Variants in HSPG2 observed in about 807,000 individuals in gnomAD.
HSPG2 encodes the protein basement membrane-specific heparan sulfate proteoglycan core protein.
Under a neutral mutation model 526.6 loss-of-function variants are expected in HSPG2, and 278 were observed. That is an observed-to-expected ratio of 0.53 (90% confidence interval 0.48 to 0.58). The LOEUF (loss-of-function observed/expected upper bound fraction) is 0.58, where lower values mean the gene tolerates loss of function less well. HSPG2 is among the 20% of genes least tolerant of loss of function. The pLI, the probability that HSPG2 is intolerant of heterozygous loss-of-function variation, is 0.00. For synonymous variants in HSPG2, 2,465 were observed against 2,555.4 expected, an observed-to-expected ratio of 0.96 and a Z score of 1.07; for missense variants, 5,354 against 6,099.5, an observed-to-expected ratio of 0.88 and a Z score of 4.07.
Position 21,876,060 on chromosome 1 carries a change from C to T in HSPG2, c.3004-18G>A, listed in dbSNP as rs892820543. 3.7e-6 allele frequency: 6 copies of T among 1,613,516 alleles called. No homozygotes were observed. The East Asian group carries it at 1.3e-4, about 36-fold the overall frequency. On this transcript the variant is annotated intron_variant, in intron 23 of 96. Coordinates refer to ENST00000374695, the MANE Select transcript of HSPG2 (RefSeq NM_005529.7). ...GAGGTCACCTGGGACCAGGGTTAGA[C>T]AGGAGCTTGCGGAGGCCTGAATTCG... is the stretch of plus-strand genomic sequence containing the variant.
In HSPG2 at chr1:21,904,141, C is replaced by A. The variant is rs1643246129; in HGVS notation, c.64-7831G>T. Among the ~76,000 whole-genome samples, 1 of 152,178 alleles carries A rather than the reference C, an allele frequency of 6.6e-6. No homozygotes were observed. Among genetic ancestry groups the A allele is most frequent in the South Asian group, 2.1e-4 (1 of 4,832 alleles). On this transcript the variant is annotated intron_variant, in intron 1 of 96. Transcript: ENST00000374695. This position sits in a 1 kb window ranked among gnomAD's most constrained non-coding sequence, Gnocchi z 4.4. ...AGGCCACGGAACCACGTGCTGGCAACACCGTGCGAAGAGAGTGCTGAAGGG... is the reference window on the plus strand; with the variant it reads ...AGGCCACGGAACCACGTGCTGGCAAAACCGTGCGAAGAGAGTGCTGAAGGG...
In HSPG2 at chr1:21,903,237, G is replaced by A. The variant is rs116386335; in HGVS notation, c.64-6927C>T. Among the ~76,000 whole-genome samples, 591 of 152,318 alleles carry A rather than the reference G, an allele frequency of 3.9e-3. 1 individual carries two copies. Among genetic ancestry groups the A allele is most frequent in the Middle Eastern group, 6.8e-3 (2 of 294 alleles). On this transcript the variant is annotated intron_variant, in intron 1 of 96. Coordinates refer to ENST00000374695, the MANE Select transcript of HSPG2 (RefSeq NM_005529.7). ...GAGGGGACTAGGTCACACGGGCCCT[G>A]AAATCCGTTCCAAGACACCCCTGTC...
intron 90 of HSPG2, 47 bp from the exon 91 acceptor site, chr1:21,827,966 G>A (rs754935588): frequency 6.2e-7 from 1 of 1,610,554 alleles, no homozygotes; most frequent in Non-Finnish European, 8.5e-7. Context: ...ACACCCGTGG[G>A]TACTATGTCG....
In HSPG2 at chr1:21,851,672, G is replaced by C. The variant is rs1326264468; in HGVS notation, c.7032C>G (p.Arg2344=). ...AYPAGSTQPI[R]IEPSSSQVAE... is the part of the protein sequence containing the mutation. ...CCACTTGCGAGGAGGAGGGCTCGAT[G>C]CGGATGGGCTGGGTGCTGCCGGCAG... The change falls in exon 55 of 97, where the codon CGC becomes CGG. Residue 2344 remains arginine, a synonymous_variant. Transcript: ENST00000374695. The C allele has an allele frequency of 1.9e-6, 3 of 1,613,992 alleles. No homozygotes were observed. Among genetic ancestry groups the C allele is most frequent in the Non-Finnish European group, 2.5e-6 (3 of 1,180,022 alleles).
At position 21,858,437 on chromosome 1, in the gene HSPG2, GGT is replaced by G. The variant is rs1639514037; in HGVS notation, c.5294-1054_5294-1053del. ...CTGTCCTCGGGCCACACTCTCCCTAGGTGACTTCATCCTGTCCCATAGCTTTG... is the reference window on the plus strand; with the variant it reads ...CTGTCCTCGGGCCACACTCTCCCTAGGACTTCATCCTGTCCCATAGCTTTG... On this transcript the variant is annotated intron_variant, in intron 42 of 96. Coordinates refer to ENST00000374695, the MANE Select transcript of HSPG2 (RefSeq NM_005529.7). This position sits in a 1 kb window ranked among gnomAD's most constrained non-coding sequence, Gnocchi z 4.2. Among the ~76,000 whole-genome samples, 1 of 152,146 alleles carries G rather than the reference GGT, an allele frequency of 6.6e-6. No homozygotes were observed. The highest frequency in any genetic ancestry group is 1.5e-5 in the Non-Finnish European group (1 of 68,020).
chr1:21,932,092 C>G (rs1644364219), intron 1 of HSPG2, among the ~76,000 whole-genome samples: 1 of 152,132 alleles, frequency 6.6e-6, no homozygotes, highest in South Asian at 2.1e-4. Flanking sequence ...CCCCTCCAGG[C>G]ACAGGCGTCC....
Position 21,927,780 on chromosome 1 carries a change from C to T in HSPG2, c.63+9375G>A, listed in dbSNP as rs989243628. On this transcript the variant is annotated intron_variant, in intron 1 of 96. Transcript: ENST00000374695. ...GTCCTACAGCTGCGGCCTCGGTAGG[C>T]GAAGGAGGGGCAGTGACAGATCAGA... Among the ~76,000 whole-genome samples the T allele has an allele frequency of 4.6e-5, 7 of 152,240 alleles. No homozygotes were observed. In the South Asian group the frequency reaches 1.2e-3, roughly 27 times the overall value.
chr1:21,894,429 T>C (rs1642600218), intron 3 of HSPG2, among the ~76,000 whole-genome samples: 2 of 152,020 alleles, frequency 1.3e-5, no homozygotes, highest in African/African-American at 2.4e-5. Context: ...CCTCCCTGAC[T>C]GGCATTCAGC....
intron 1 of HSPG2, among the ~76,000 whole-genome samples, chr1:21,910,497 C>G (rs1000599432): frequency 6.6e-6 from 1 of 152,192 alleles, no homozygotes; most frequent in African/African-American, 2.4e-5. Context: ...TTCTCATCTG[C>G]AAAATATGGA....
intron 21 of HSPG2, 150 bp downstream of exon 21, chr1:21,878,036 G>A (rs567895628): frequency 3.8e-4 from 261 of 692,092 alleles, no homozygotes; most frequent in Middle Eastern, 3.2e-3. Context: ...GTCCTGGTAC[G>A]GAAGGCCGGT....
At chr1:21,850,603 G>A (rs1264922133) in intron 55 of HSPG2, 105 bp from the exon 56 acceptor site, 3 of 1,335,508 alleles carry the variant, frequency 2.2e-6, no homozygotes, top group Admixed American at 5.5e-5. Flanking sequence ...CATCAGCTCT[G>A]GATCAGTTTC....
chr1:21,897,849 G>A (rs1642861409), intron 1 of HSPG2, among the ~76,000 whole-genome samples: 1 of 152,084 alleles, frequency 6.6e-6, no homozygotes, highest in Non-Finnish European at 1.5e-5. Flanking sequence ...CTGAAAATGG[G>A]TATATTTTGT....
In HSPG2 at chr1:21,824,913, C is replaced by A; in HGVS notation, c.12590-134G>T. On this transcript the variant is annotated intron_variant, in intron 91 of 96. Transcript: ENST00000374695. The surrounding 1 kb of genome is among the most constrained non-coding windows in gnomAD (Gnocchi z 5.9). The stretch of plus-strand genomic sequence containing the variant: ...CGAGCCTGCAGTCCCTGGGGACCCA[C>A]GGGGGCTGCCAACAGAATTCAGGGA... 1 of 789,458 alleles carries A rather than the reference C, an allele frequency of 1.3e-6. No individual in the cohort carries two copies. 48.9% of individuals were successfully genotyped at this position (789,458 alleles called of 1,614,324 possible). A position where few individuals can be genotyped will look rare whatever the true frequency, so the allele number is the denominator to read the frequency against.
intron 1 of HSPG2, among the ~76,000 whole-genome samples, chr1:21,932,272 C>A (rs1326428677): frequency 6.6e-6 from 1 of 152,142 alleles, no homozygotes; most frequent in Non-Finnish European, 1.5e-5. Context: ...ACGACAAGCA[C>A]ATGGGGCAGT....
chr1:21,875,713 G>A lies in HSPG2; in HGVS notation c.3218C>T (p.Thr1073Ile). 6.2e-7 allele frequency: 1 copy of A among 1,604,978 alleles called. No homozygotes were observed. The highest frequency in any genetic ancestry group is 8.5e-7 in the Non-Finnish European group (1 of 1,179,972). Residue 1073 changes from threonine to isoleucine, a missense_variant, in exon 25 of 97, where the codon ACA (threonine) becomes ATA (isoleucine). Physicochemically the swap from Thr to Ile is moderately conservative, Grantham distance 89. Transcript: ENST00000374695. ...CAGTGCCATCAGCAGGTGCTCCCGT[G>A]TGGCTGGCTGCCCATCGGGCCGCTG... ...AWQRPDGQPA[T>I]REHLLMALAG...
rs1239166502 is a variant in HSPG2, at chr1:21,890,217, C to T, written c.414-76G>A. ...TCAGCTCCTCCATGAGGCTCCCGCC[C>T]CGACGCTCAGGCCCTGTTCCGGGAC... On this transcript the variant is annotated intron_variant, in intron 5 of 96. Transcript: ENST00000374695. The surrounding 1 kb of genome is among the most constrained non-coding windows in gnomAD (Gnocchi z 4.1). 6.4e-7 allele frequency: 1 copy of T among 1,565,044 alleles called. No individual in the cohort carries two copies. Among genetic ancestry groups the T allele is most frequent in the African/African-American group, 1.3e-5 (1 of 74,160 alleles).
At chr1:21,917,121 G>C (rs1247374665) in intron 1 of HSPG2, among the ~76,000 whole-genome samples, 1 of 152,176 alleles carries the variant, frequency 6.6e-6, no homozygotes, top group African/African-American at 2.4e-5. Context: ...AAAGGTCTTT[G>C]ATTTTTTCAC....
chr1:21,906,258 G>A (rs1324845282), intron 1 of HSPG2, among the ~76,000 whole-genome samples: 2 of 152,250 alleles, frequency 1.3e-5, no homozygotes, highest in Admixed American at 1.3e-4. Context: ...ATCCCGGAGG[G>A]GTGGGTGGGG....
chr1:21,874,829 G>C (rs1237077821), intron 26 of HSPG2, 62 bp downstream of exon 26: 8 of 1,521,108 alleles, frequency 5.3e-6, no homozygotes, highest in Non-Finnish European at 7.2e-6. Flanking sequence ...AGGGCTCATG[G>C]AGAAGGAGCG....
Sources: gnomAD v4.1 joint callset for allele counts (sites outside exome capture counted in the v4.1 genomes callset) on GRCh38, gnomAD v4.1.1 for gene constraint, Gnocchi (gnomAD v3.1) non-coding constraint, MANE v1.5 for transcripts, NCBI Gene and HGNC (gene_info 2026-07-23, HGNC 2026-07-21) for gene names.